The following VTCN1 variants were observed in gnomAD, a reference collection of about 807,000 sequenced individuals.
VTCN1 encodes V-set domain-containing T-cell activation inhibitor 1.
VTCN1 carries 26 observed loss-of-function variants against 26.5 expected under a neutral mutation model. The observed-to-expected ratio is 0.98, with a 90% confidence interval of 0.72 to 1.36. The LOEUF (loss-of-function observed/expected upper bound fraction) is 1.36, where lower values mean the gene tolerates loss of function less well. Ranked by LOEUF, VTCN1 falls within the 40% of genes most tolerant of loss-of-function variation. The pLI is 0.00. For missense variants in VTCN1, 298 were observed against 337.7 expected (o/e 0.88, Z 0.92); for synonymous variants, 116 against 130.7 (o/e 0.89, Z 0.77).
chr1:117,153,857 C>T (rs1315899765), intron 3 of VTCN1, among the ~76,000 whole-genome samples: 12 of 152,172 alleles, frequency 7.9e-5, no homozygotes, highest in Non-Finnish European at 2.9e-5. Flanking sequence ...GCTTTGTCAT[C>T]ACAGGGATTT....
At chr1:117,199,494 T>G (rs1648686847) in intron 1 of VTCN1, among the ~76,000 whole-genome samples, 1 of 151,740 alleles carries the variant, frequency 6.6e-6, no homozygotes. Flanking sequence ...TCCAGCAAAT[T>G]TTTATATTTT....
At chr1:117,174,729 G>T (rs535863632) in intron 1 of VTCN1, among the ~76,000 whole-genome samples, 1 of 152,196 alleles carries the variant, frequency 6.6e-6, no homozygotes, top group East Asian at 1.9e-4. Context: ...ATCTAGGGAG[G>T]TAGGAAGAAT....
In VTCN1 at chr1:117,183,681, A is replaced by G. The variant is rs1272060764; in HGVS notation, c.33-13510T>C. Among the ~76,000 whole-genome samples the G allele has an allele frequency of 1.3e-5, 2 of 152,220 alleles. No homozygotes were observed. Among genetic ancestry groups the G allele is most frequent in the East Asian group, 3.8e-4 (2 of 5,200 alleles). On this transcript the variant is annotated intron_variant, in intron 1 of 5. Coordinates refer to ENST00000369458, the MANE Select transcript of VTCN1 (RefSeq NM_024626.4). This position sits in a 1 kb window ranked among gnomAD's most constrained non-coding sequence, Gnocchi z 4.1. ...GGGGCAAAATAGAAGTGTTTCTCTA[A>G]AAGAGAAAGGACATTGTAGGGAATG...
At position 117,169,859 on chromosome 1, in the gene VTCN1, C is replaced by T. The variant is rs776753300; in HGVS notation, c.97+248G>A. On this transcript the variant is annotated intron_variant, in intron 2 of 5. Transcript: ENST00000369458. The surrounding 1 kb of genome is among the most constrained non-coding windows in gnomAD (Gnocchi z 4.0). ...GCAGTAAGCTGAGATCATGCCACTG[C>T]ACTCCAACCTGGGCAACAGAGCCAG... is the stretch of plus-strand genomic sequence containing the variant. Among the ~76,000 whole-genome samples the T allele has an allele frequency of 6.6e-6, 1 of 152,156 alleles. No homozygotes were observed. The highest frequency in any genetic ancestry group is 2.4e-5 in the African/African-American group (1 of 41,414).
intron 4 of VTCN1, among the ~76,000 whole-genome samples, 199 bp downstream of exon 4, chr1:117,152,892 C>T (rs1480557190): frequency 8.6e-5 from 13 of 152,042 alleles, no homozygotes; most frequent in Admixed American, 8.5e-4. Flanking sequence ...CATCTTTGAC[C>T]TATATGCCAT....
intron 1 of VTCN1, among the ~76,000 whole-genome samples, chr1:117,189,183 C>T (rs188393185): frequency 4.3e-4 from 66 of 152,316 alleles, no homozygotes; most frequent in African/African-American, 1.5e-3. Context: ...CTTTCCCTTT[C>T]CTAGAATTTC....
At chr1:117,174,324 G>A (rs1653084995) in intron 1 of VTCN1, among the ~76,000 whole-genome samples, 1 of 152,168 alleles carries the variant, frequency 6.6e-6, no homozygotes, top group South Asian at 2.1e-4. Context: ...TACTTACTAT[G>A]TGAAAGACAT....
rs76778384 is a variant in VTCN1, at chr1:117,170,136, A to G, written c.68T>C (p.Ile23Thr). 4,844 of 1,613,932 alleles carry G rather than the reference A, an allele frequency of 3.0e-3. 138 individuals carry two copies. The African/African-American group carries it at 0.057, about 19-fold the overall frequency. The change falls in exon 2 of 6, where the codon ATT (isoleucine) becomes ACT (threonine). Residue 23 changes from isoleucine (I) to threonine (T), a missense_variant. Coordinates refer to ENST00000369458, the MANE Select transcript of VTCN1 (RefSeq NM_024626.4). ...ISIIIILAGA[I>T]ALIIGFGISG... Reference sequence around the variant, plus strand: ...AATACCAAAGCCAATGATGAGTGCAATTGCTCCAGCCAGAATAATGATGAT... The same window carrying G: ...AATACCAAAGCCAATGATGAGTGCAGTTGCTCCAGCCAGAATAATGATGAT...
In VTCN1 at chr1:117,146,530, G is replaced by A. The variant is rs143504231; in HGVS notation, c.*45+1083C>T. ...TATAAAATACAAAGACTCTTGGGGA[G>A]GTGGGATATAAGCTAGGAAGCATTT... On this transcript the variant is annotated intron_variant, in intron 5 of 5. Coordinates refer to ENST00000369458, the MANE Select transcript of VTCN1 (RefSeq NM_024626.4). This position sits in a 1 kb window ranked among gnomAD's most constrained non-coding sequence, Gnocchi z 4.2. 1.8e-4 allele frequency among the ~76,000 whole-genome samples: 27 copies of A among 152,280 alleles called. No individual in the cohort carries two copies. The highest frequency in any genetic ancestry group is 3.4e-3 in the Middle Eastern group (1 of 294).
chr1:117,203,927 G>T, intron 1 of VTCN1: 1 of 298,810 alleles, frequency 3.3e-6, no homozygotes, highest in Non-Finnish European at 4.9e-6. Context: ...GATGCTGCTG[G>T]TTGGAAGACC....
At chr1:117,157,313 G>T (rs1402498088) in intron 2 of VTCN1, among the ~76,000 whole-genome samples, 1 of 151,872 alleles carries the variant, frequency 6.6e-6, no homozygotes, top group Non-Finnish European at 1.5e-5. Flanking sequence ...TACTATATTA[G>T]TCCATTTTCA....
intron 1 of VTCN1, 37 bp downstream of exon 1, chr1:117,210,787 C>A: frequency 6.2e-7 from 1 of 1,611,900 alleles, no homozygotes. Flanking sequence ...CTGCTGTTCC[C>A]TTCACCCATA....
rs1169615171 is a variant in VTCN1, at chr1:117,145,634, T to G, written c.*46-409A>C. Reference sequence around the variant, plus strand: ...TCAAATAATGTTCTATTCATTTACTTTTATCATTATTTTTTTGAGACAGGG... The same window carrying G: ...TCAAATAATGTTCTATTCATTTACTGTTATCATTATTTTTTTGAGACAGGG... On this transcript the variant is annotated intron_variant, in intron 5 of 5. Transcript: ENST00000369458. This position sits in a 1 kb window ranked among gnomAD's most constrained non-coding sequence, Gnocchi z 4.6. Among the ~76,000 whole-genome samples, 1 of 152,128 alleles carries G rather than the reference T, an allele frequency of 6.6e-6. No individual in the cohort carries two copies. Among genetic ancestry groups the G allele is most frequent in the African/African-American group, 2.4e-5 (1 of 41,414 alleles).
intron 2 of VTCN1, among the ~76,000 whole-genome samples, chr1:117,166,042 TAG>T (rs914202447): frequency 2.0e-4 from 31 of 152,172 alleles, no homozygotes; most frequent in African/African-American, 7.5e-4. Context: ...TTGGCAGTAG[TAG>T]AGTTTTAAAT....
chr1:117,202,525 C>A (rs1223940199), intron 1 of VTCN1, among the ~76,000 whole-genome samples: 3 of 152,148 alleles, frequency 2.0e-5, no homozygotes, highest in Non-Finnish European at 2.9e-5. Flanking sequence ...TGATTAGAGG[C>A]ACTGACCGGA....
intron 1 of VTCN1, among the ~76,000 whole-genome samples, chr1:117,196,040 T>C (rs1361610961): frequency 6.6e-6 from 1 of 152,130 alleles, no homozygotes; most frequent in Non-Finnish European, 1.5e-5. Context: ...TAGTCCCAGC[T>C]ACTTGGAAGG....
At position 117,203,784 on chromosome 1, in the gene VTCN1, G is replaced by A. The variant is rs536157500; in HGVS notation, c.32+7040C>T. 1.0e-4 allele frequency: 99 copies of A among 985,402 alleles called. No individual in the cohort carries two copies. In the African/African-American group the frequency reaches 1.3e-3, roughly 13 times the overall value. 61.0% of individuals were successfully genotyped at this position (985,402 alleles called of 1,614,324 possible). On this transcript the variant is annotated intron_variant, in intron 1 of 5. Coordinates refer to ENST00000369458, the MANE Select transcript of VTCN1 (RefSeq NM_024626.4). The stretch of plus-strand genomic sequence containing the variant: ...CTGGAGGAATCAGGGAGCACAGAGC[G>A]GCTGCTAATACAGAGAATCACCTGG...
Position 117,153,187 on chromosome 1 carries a change from C to A in VTCN1, c.628G>T (p.Val210Phe). The part of the protein sequence containing the change: ...ELNSENVTMK[V>F]VSVLYNVTIN... The stretch of plus-strand genomic sequence containing the variant: ...GTAACATTGTAGAGCACAGACACAA[C>A]CTTCATGGTCACATTCTCAGAGTTC... Residue 210 changes from valine to phenylalanine, a missense_variant, in exon 4 of 6, where the codon GTT (valine) becomes TTT (phenylalanine). Physicochemically the swap from Val to Phe is conservative, Grantham distance 50. Transcript: ENST00000369458. 1.2e-6 allele frequency: 2 copies of A among 1,614,126 alleles called. No individual in the cohort carries two copies. The highest frequency in any genetic ancestry group is 1.7e-6 in the Non-Finnish European group (2 of 1,180,030).
In VTCN1 at chr1:117,183,330, G is replaced by A. The variant is rs1057262806; in HGVS notation, c.33-13159C>T. Among the ~76,000 whole-genome samples the A allele has an allele frequency of 2.7e-4, 41 of 152,182 alleles. 1 individual carries two copies. The highest frequency in any genetic ancestry group is 1.4e-4 in the African/African-American group (6 of 41,454). ...CCTTACAGACTGCTTCCCTTGGAGC[G>A]TCTAGCACATAGTCTTTAAAATATG... On this transcript the variant is annotated intron_variant, in intron 1 of 5. Transcript: ENST00000369458. This position sits in a 1 kb window ranked among gnomAD's most constrained non-coding sequence, Gnocchi z 4.1.
Sources: gnomAD v4.1 joint callset for allele counts (sites outside exome capture counted in the v4.1 genomes callset) on GRCh38, gnomAD v4.1.1 for gene constraint, Gnocchi (gnomAD v3.1) non-coding constraint, MANE v1.5 for transcripts, NCBI Gene and HGNC (gene_info 2026-07-23, HGNC 2026-07-21) for gene names.